PRKG2: variants seen among roughly 807,000 people sequenced by gnomAD.
The protein encoded by PRKG2 is protein kinase cGMP-dependent 2, also known as cGMP-dependent protein kinase 2.
In PRKG2, 33 loss-of-function variants were observed where a neutral mutation model predicts 97.2. The observed-to-expected ratio is 0.34, with a 90% CI of 0.26 to 0.45. The LOEUF is 0.45. Ranked by LOEUF, PRKG2 falls within the 20% of genes least tolerant of loss-of-function variation. The pLI is 1.00. For missense variants in PRKG2, 638 were observed against 900.0 expected, an observed-to-expected ratio of 0.71 and a Z score of 3.73; for synonymous variants, 330 against 321.8, an observed-to-expected ratio of 1.03 and a Z score of -0.27.
chr4:81,179,714 T>C (rs1751242099), intron 2 of PRKG2, among the ~76,000 whole-genome samples: 2 of 152,020 alleles, frequency 1.3e-5, no homozygotes, highest in Non-Finnish European at 1.5e-5. Flanking sequence ...GAACAATAAA[T>C]GGAGTTAACA....
chr4:81,106,215 A>AT (rs1050597711), intron 15 of PRKG2, among the ~76,000 whole-genome samples: 8 of 152,184 alleles, frequency 5.3e-5, no homozygotes, highest in African/African-American at 1.7e-4. Context: ...AGAAGGTGTG[A>AT]TTTTTTGAGA....
intron 9 of PRKG2, among the ~76,000 whole-genome samples, chr4:81,146,907 C>T (rs960279942): frequency 6.6e-5 from 10 of 152,004 alleles, no homozygotes; most frequent in Admixed American, 2.0e-4. Flanking sequence ...GAATATATTT[C>T]TGAGTGAAAT....
At chr4:81,206,199 G>T (rs1753637047) in intron 1 of PRKG2, among the ~76,000 whole-genome samples, 1 of 152,166 alleles carries the variant, frequency 6.6e-6, no homozygotes, top group South Asian at 2.1e-4. Context: ...AATGTTTTAA[G>T]GCTTTTTAGA....
intron 6 of PRKG2, among the ~76,000 whole-genome samples, chr4:81,154,524 G>A (rs1181779461): frequency 5.7e-5 from 8 of 141,300 alleles, no homozygotes; most frequent in Non-Finnish European, 8.9e-5. Context: ...CACCTCACAC[G>A]GCAGGGTACT....
intron 9 of PRKG2, among the ~76,000 whole-genome samples, chr4:81,144,762 C>T (rs1372983562): frequency 8.4e-6 from 1 of 118,666 alleles, no homozygotes; most frequent in Non-Finnish European, 1.7e-5. Flanking sequence ...CCCCCCTCCC[C>T]CCACCCCATG....
intron 7 of PRKG2, 78 bp downstream of exon 7, chr4:81,153,566 A>G (rs1748632012): frequency 8.6e-7 from 1 of 1,164,632 alleles, no homozygotes; most frequent in Non-Finnish European, 1.2e-6. Context: ...CTATGTTGCA[A>G]TGCAAAGCAT....
At chr4:81,164,280 G>A (rs1285578771) in intron 6 of PRKG2, among the ~76,000 whole-genome samples, 2 of 152,098 alleles carry the variant, frequency 1.3e-5, no homozygotes, top group Non-Finnish European at 2.9e-5. Flanking sequence ...ATTGACAGCT[G>A]GTAGAGTGAC....
chr4:81,195,517 A>G (rs1255232319), intron 2 of PRKG2, among the ~76,000 whole-genome samples: 3 of 152,132 alleles, frequency 2.0e-5, no homozygotes, highest in Non-Finnish European at 2.9e-5. Flanking sequence ...CCCAAACTGG[A>G]ACTCTGTACC....
intron 14 of PRKG2, among the ~76,000 whole-genome samples, chr4:81,117,565 A>T (rs1476641170): frequency 2.6e-5 from 4 of 152,198 alleles, no homozygotes; most frequent in African/African-American, 9.7e-5. Flanking sequence ...AAAATATCTT[A>T]GCAAACTAAG....
intron 14 of PRKG2, among the ~76,000 whole-genome samples, chr4:81,120,116 T>C (rs1744937088): frequency 6.6e-6 from 1 of 152,174 alleles, no homozygotes; most frequent in African/African-American, 2.4e-5. Context: ...GAGTATGCAC[T>C]TGTAACAACA....
intron 14 of PRKG2, among the ~76,000 whole-genome samples, chr4:81,111,254 G>A (rs1743908260): frequency 1.3e-5 from 2 of 152,136 alleles, no homozygotes; most frequent in South Asian, 4.1e-4. Context: ...TCAGGAAGGT[G>A]AGTGGTGGGC....
chr4:81,215,272 G>A (rs542604635), upstream of PRKG2, among the ~76,000 whole-genome samples: 1 of 152,324 alleles, frequency 6.6e-6, no homozygotes, highest in African/African-American at 2.4e-5. Flanking sequence ...GGAGGAGGGA[G>A]GGGGTCAGCC....
chr4:81,111,547 G>A (rs890251131), intron 14 of PRKG2, among the ~76,000 whole-genome samples: 1 of 151,986 alleles, frequency 6.6e-6, no homozygotes, highest in Non-Finnish European at 1.5e-5. Flanking sequence ...GATGATGGTT[G>A]GGGAAGATGT....
rs753388633 is a variant in PRKG2 at position 81,205,000 on chromosome 4, T to C, written c.48A>G (p.Gly16=). ...VKPKHSKHPD[G]HSGNLTTDAL... ...CATCAGTGGTGAGGTTCCCAGAGTG[T>C]CCATCTGGGTGCTTAGAATGTTTAG... Residue 16 remains glycine, a synonymous_variant, in exon 2 of 19, where the codon GGA becomes GGG. Coordinates refer to ENST00000264399, the MANE Select transcript of PRKG2 (RefSeq NM_006259.3). 6.8e-6 allele frequency: 11 copies of C among 1,613,448 alleles called. No individual in the cohort carries two copies. The highest frequency in any genetic ancestry group is 2.5e-6 in the Non-Finnish European group (3 of 1,179,858).
At chr4:81,193,973 A>C (rs1433390693) in intron 2 of PRKG2, among the ~76,000 whole-genome samples, 2 of 152,150 alleles carry the variant, frequency 1.3e-5, no homozygotes, top group East Asian at 3.9e-4. Flanking sequence ...CCCCAGACCC[A>C]CCAAACCACA....
chr4:81,207,956 C>T (rs1173825156), intron 1 of PRKG2, among the ~76,000 whole-genome samples: 1 of 152,066 alleles, frequency 6.6e-6, no homozygotes, highest in Admixed American at 6.6e-5. Context: ...TATTGCTAGC[C>T]ACAAGGAGAA....
At chr4:81,118,866 C>A (rs1404102412) in intron 14 of PRKG2, among the ~76,000 whole-genome samples, 1 of 152,180 alleles carries the variant, frequency 6.6e-6, no homozygotes, top group Non-Finnish European at 1.5e-5. Flanking sequence ...ATGATCTCTG[C>A]TCAATGCAGC....
At chr4:81,138,972 C>T (rs111385645) in intron 12 of PRKG2, among the ~76,000 whole-genome samples, 5 of 152,192 alleles carry the variant, frequency 3.3e-5, no homozygotes, top group African/African-American at 1.2e-4. Flanking sequence ...TCTTTTAAAG[C>T]ATTTGATCAA....
At chr4:81,125,465 T>C (rs1316515001) in intron 14 of PRKG2, among the ~76,000 whole-genome samples, 2 of 152,218 alleles carry the variant, frequency 1.3e-5, no homozygotes, top group African/African-American at 4.8e-5. Context: ...TTTTTATTGG[T>C]GAGCAGCATT....
Sources: allele counts gnomAD v4.1 joint callset (sites outside exome capture counted in the v4.1 genomes callset), GRCh38; gene constraint gnomAD v4.1.1; transcripts MANE v1.5; gene names NCBI Gene and HGNC (gene_info 2026-07-23, HGNC 2026-07-21).